Variants in ABCC5 observed in about 807,000 individuals in gnomAD.
The protein encoded by ABCC5 is ATP-binding cassette sub-family C member 5.
In ABCC5, 61 loss-of-function variants were observed where a neutral mutation model predicts 160.9. That is an observed-to-expected ratio of 0.38 (90% CI 0.31 to 0.47). ABCC5 has a LOEUF of 0.47. Ranked by LOEUF, ABCC5 falls within the 20% of genes least tolerant of loss-of-function variation. The pLI is 0.99. For synonymous variants in ABCC5, 666 were observed against 700.6 expected (o/e 0.95, Z 0.78); for missense variants, 1,308 against 1,813.3 (o/e 0.72, Z 5.06).
At position 183,963,732 on chromosome 3, in the gene ABCC5, G is replaced by A. The variant is rs370081746; in HGVS notation, c.2032-144C>T. 10 of 744,752 alleles carry A rather than the reference G, an allele frequency of 1.3e-5. No individual in the cohort carries two copies. Among genetic ancestry groups the A allele is most frequent in the South Asian group, 7.2e-5 (4 of 55,196 alleles). The allele number at this position is 744,752 out of a possible 1,614,324, so 46.1% of individuals were successfully genotyped here. ...AGATGAACTGCCATGCTGATTCCCCGCAGATGAACTGCCATGCTGATCCTT... is the reference window on the plus strand; with the variant it reads ...AGATGAACTGCCATGCTGATTCCCCACAGATGAACTGCCATGCTGATCCTT... On this transcript the variant is annotated intron_variant, in intron 14 of 29. Coordinates refer to ENST00000334444, the MANE Select transcript of ABCC5 (RefSeq NM_005688.4). This position sits in a 1 kb window ranked among gnomAD's most constrained non-coding sequence, Gnocchi z 4.6.
Position 183,949,953 on chromosome 3 carries a change from A to G in ABCC5, c.3098+19T>C, listed in dbSNP as rs778741302. On this transcript the variant is annotated intron_variant, in intron 21 of 29. Transcript: ENST00000334444. The surrounding 1 kb of genome is among the most constrained non-coding windows in gnomAD (Gnocchi z 4.2). ...AGGCTTCTCCGTGGCCCCAGCAGAC[A>G]TGAACGCTTCCTATTTACCTGGAGA... 1 of 1,614,144 alleles carries G rather than the reference A, an allele frequency of 6.2e-7. No individual in the cohort carries two copies. Among genetic ancestry groups the G allele is most frequent in the Non-Finnish European group, 8.5e-7 (1 of 1,180,010 alleles).
Position 184,012,014 on chromosome 3 carries a change from A to ACACACACAC in ABCC5, c.129+2249_129+2250insGTGTGTGTG, listed in dbSNP as rs10663124. Among the ~76,000 whole-genome samples, 7 of 145,490 alleles carry ACACACACAC rather than the reference A, an allele frequency of 4.8e-5. No individual in the cohort carries two copies. In the South Asian group the frequency reaches 9.0e-4, roughly 19 times the overall value. The stretch of plus-strand genomic sequence containing the variant: ...CACCTTTAAAAAATGCATAGAACAC[A>ACACACACAC]ACACACACACACACACACACACACA... On this transcript the variant is annotated intron_variant, in intron 2 of 29. Transcript: ENST00000334444.
intron 11 of ABCC5, among the ~76,000 whole-genome samples, chr3:183,970,487 C>G (rs1340826504): frequency 6.6e-6 from 1 of 151,772 alleles, no homozygotes; most frequent in Admixed American, 6.6e-5. Context: ...CTGTGCCACC[C>G]AGGCTGGAGT....
intron 5 of ABCC5, chr3:183,983,874 T>C: frequency 1.0e-6 from 1 of 985,128 alleles, no homozygotes; most frequent in Non-Finnish European, 1.2e-6. Flanking sequence ...ACATACAGAG[T>C]CGAGTTATAC....
At chr3:184,010,001 A>T (rs1307512890) in intron 2 of ABCC5, 1 of 436,470 alleles carries the variant, frequency 2.3e-6, no homozygotes. Flanking sequence ...AACAAAAAAA[A>T]TTTAATAAAA....
chr3:183,955,099 G>T (rs190301758), intron 17 of ABCC5, among the ~76,000 whole-genome samples: 1 of 152,170 alleles, frequency 6.6e-6, no homozygotes, highest in East Asian at 1.9e-4. Context: ...CCCAGTAGCA[G>T]ACGTCAGAGA....
chr3:183,946,045 T>C (rs2292998), intron 23 of ABCC5, 106 bp from the exon 24 acceptor site: 572,046 of 988,376 alleles, frequency 0.58, 170,278 homozygotes, highest in East Asian at 0.85. Flanking sequence ...ACTGAGCACA[T>C]GCAGCAGCTG....
At chr3:184,016,086 C>T (rs1391847732) in intron 1 of ABCC5, among the ~76,000 whole-genome samples, 1 of 152,172 alleles carries the variant, frequency 6.6e-6, no homozygotes, top group Non-Finnish European at 1.5e-5. Flanking sequence ...CCCATGATAA[C>T]CAAAGATTCT....
chr3:183,959,480 C>T (rs760839017), intron 17 of ABCC5, among the ~76,000 whole-genome samples: 1 of 152,152 alleles, frequency 6.6e-6, no homozygotes, highest in Non-Finnish European at 1.5e-5. Flanking sequence ...TTCTAATTAC[C>T]TAAACCTGAC....
At chr3:184,004,021 A>C (rs1289019176) in intron 2 of ABCC5, among the ~76,000 whole-genome samples, 1 of 152,160 alleles carries the variant, frequency 6.6e-6, no homozygotes, top group Admixed American at 6.5e-5. Flanking sequence ...TTAAAACAAT[A>C]CCAATGTCTG....
intron 2 of ABCC5, among the ~76,000 whole-genome samples, chr3:184,007,415 A>C (rs77577207): frequency 6.6e-6 from 1 of 152,182 alleles, no homozygotes; most frequent in Non-Finnish European, 1.5e-5. Flanking sequence ...GCACTAAGAA[A>C]ACAAACCACC....
intron 2 of ABCC5, among the ~76,000 whole-genome samples, chr3:183,994,696 T>C (rs1720104803): frequency 6.6e-6 from 1 of 152,126 alleles, no homozygotes; most frequent in South Asian, 2.1e-4. Flanking sequence ...ATATTTTATT[T>C]TAGCCATTCT....
chr3:183,980,614 C>T (rs1244220922), intron 8 of ABCC5, among the ~76,000 whole-genome samples: 2 of 152,190 alleles, frequency 1.3e-5, no homozygotes, highest in Admixed American at 6.5e-5. Context: ...AGCTTAACAG[C>T]CCTCATAAAT....
chr3:183,970,873 G>C (rs1717674128), intron 11 of ABCC5, among the ~76,000 whole-genome samples: 2 of 152,294 alleles, frequency 1.3e-5, no homozygotes, highest in Middle Eastern at 6.8e-3. Flanking sequence ...TTGTGGCTCT[G>C]TGCCCAGCCC....
intron 26 of ABCC5, among the ~76,000 whole-genome samples, chr3:183,930,350 G>C (rs1209283880): frequency 6.6e-6 from 1 of 152,220 alleles, no homozygotes; most frequent in African/African-American, 2.4e-5. Context: ...CTTGCCCTTT[G>C]CACGGCGTTT....
chr3:183,973,049 CTTTTTTT>C (rs11289102), intron 10 of ABCC5, among the ~76,000 whole-genome samples: 17 of 108,382 alleles, frequency 1.6e-4, no homozygotes, highest in African/African-American at 3.3e-4. Flanking sequence ...TTTGAATCCA[CTTTTTTT>C]TTTTTTTTTT....
In ABCC5 at chr3:183,950,057, C is replaced by G. The variant is rs753641345; in HGVS notation, c.3013G>C (p.Gly1005Arg). ...QNVILVFFCV[G>R]MIAGVFPWFL... ...CACGGGAAGACTCCTGCGATCATTC[C>G]CACACAGAAGAACACCAGGATAACG... is the stretch of plus-strand genomic sequence containing the variant. Residue 1005 changes from glycine (G) to arginine (R), a missense_variant, in exon 21 of 30, where the codon GGA becomes CGA. Physicochemically the swap from Gly to Arg is moderately radical, Grantham distance 125 (BLOSUM62 -2). Transcript: ENST00000334444. The G allele has an allele frequency of 4.5e-5, 73 of 1,614,028 alleles. No individual in the cohort carries two copies. The highest frequency in any genetic ancestry group is 1.6e-4 in the Middle Eastern group (1 of 6,084).
intron 22 of ABCC5, among the ~76,000 whole-genome samples, chr3:183,947,883 G>C (rs1714994983): frequency 6.6e-6 from 1 of 152,186 alleles, no homozygotes; most frequent in Admixed American, 6.5e-5. Flanking sequence ...AAGAAGGAAA[G>C]GTTACAAACG....
chr3:183,982,003 T>C lies in ABCC5; in HGVS notation c.1000-129A>G, dbSNP rs2108853687. The C allele has an allele frequency of 1.1e-6, 1 of 936,406 alleles. No homozygotes were observed. The highest frequency in any genetic ancestry group is 1.6e-6 in the Non-Finnish European group (1 of 639,858). The allele number at this position is 936,406 out of a possible 1,614,324, so 58.0% of individuals were successfully genotyped here. ...TTGCTAGGATGGGCCAAATGTTATG[T>C]AATCGTACTGTCTTTAATAAAAGTG... On this transcript the variant is annotated intron_variant, in intron 7 of 29. Coordinates refer to ENST00000334444, the MANE Select transcript of ABCC5 (RefSeq NM_005688.4). The surrounding 1 kb of genome is among the most constrained non-coding windows in gnomAD (Gnocchi z 5.2).
Sources: allele counts gnomAD v4.1 joint callset (sites outside exome capture counted in the v4.1 genomes callset), GRCh38; gene constraint gnomAD v4.1.1; non-coding constraint Gnocchi (gnomAD v3.1); transcripts MANE v1.5; gene names NCBI Gene and HGNC (gene_info 2026-07-23, HGNC 2026-07-21).